Variants in SEMA3E observed in about 807,000 individuals in gnomAD.
The protein encoded by SEMA3E is semaphorin 3E.
A neutral mutation model predicts 93.6 loss-of-function variants in SEMA3E; 49 were observed. That is an observed-to-expected ratio of 0.52 (90% CI 0.42 to 0.66). SEMA3E has a LOEUF of 0.66. SEMA3E is among the 30% of genes least tolerant of loss of function. The pLI is 0.00. For synonymous variants in SEMA3E, 363 were observed against 330.7 expected, an observed-to-expected ratio of 1.10 and a Z score of -1.06; for missense variants, 906 against 964.8, an observed-to-expected ratio of 0.94 and a Z score of 0.81.
In SEMA3E at chr7:83,490,110, A is replaced by G. The variant is rs1490998313; in HGVS notation, c.276+4T>C. 8 of 1,612,000 alleles carry G rather than the reference A, an allele frequency of 5.0e-6. No homozygotes were observed. Among genetic ancestry groups the G allele is most frequent in the East Asian group, 2.2e-5 (1 of 44,838 alleles). The stretch of plus-strand genomic sequence containing the variant: ...TACTGAAATGCAGTTTGATATTTCT[A>G]TACCTCTTTATAGCCGTCACTGATT... On this transcript the variant is annotated splice_donor_region_variant and intron_variant, in intron 2 of 16. Coordinates refer to ENST00000643230, the MANE Select transcript of SEMA3E (RefSeq NM_012431.3).
At chr7:83,437,396 A>G (rs1201817774) in intron 4 of SEMA3E, among the ~76,000 whole-genome samples, 1 of 152,148 alleles carries the variant, frequency 6.6e-6, no homozygotes, top group Non-Finnish European at 1.5e-5. Context: ...GCCATTTATA[A>G]TAAAATAAGA....
chr7:83,485,452 G>A (rs111650985), intron 2 of SEMA3E, among the ~76,000 whole-genome samples: 3,176 of 152,242 alleles, frequency 0.021, 111 homozygotes, highest in African/African-American at 0.073. Flanking sequence ...CAAAATCCCA[G>A]TTGAGTGCTC....
chr7:83,592,258 C>T (rs191493135), intron 1 of SEMA3E, among the ~76,000 whole-genome samples: 1 of 151,936 alleles, frequency 6.6e-6, no homozygotes. Context: ...AAACATACTT[C>T]ATGCTAAAAT....
chr7:83,612,551 A>G (rs1793286817), intron 1 of SEMA3E: 1 of 152,146 alleles, frequency 6.6e-6, no homozygotes, highest in South Asian at 2.1e-4. Flanking sequence ...TTTTCAATTG[A>G]TTAGAAAAAT....
Position 83,366,787 on chromosome 7 carries a change from A to G in SEMA3E, c.*799T>C, listed in dbSNP as rs1794675833. 1 of 152,170 alleles carries G rather than the reference A, an allele frequency of 6.6e-6. No homozygotes were observed. Among genetic ancestry groups the G allele is most frequent in the African/African-American group, 2.4e-5 (1 of 41,458 alleles). 9.4% of individuals were successfully genotyped at this position (152,170 alleles called of 1,614,324 possible). On this transcript the variant is annotated 3_prime_UTR_variant, in exon 17 of 17. Transcript: ENST00000643230. ...AGATATCCGTCTGTAGAGAAAAAAGAAATGTGTGAGAATATAATTTTTTTT... is the reference window on the plus strand; with the variant it reads ...AGATATCCGTCTGTAGAGAAAAAAGGAATGTGTGAGAATATAATTTTTTTT...
At chr7:83,588,753 A>T (rs1352961030) in intron 1 of SEMA3E, among the ~76,000 whole-genome samples, 1 of 152,192 alleles carries the variant, frequency 6.6e-6, no homozygotes, top group African/African-American at 2.4e-5. Context: ...TCACAGTAGC[A>T]TGAAAAGTAA....
intron 1 of SEMA3E, among the ~76,000 whole-genome samples, chr7:83,518,570 T>C (rs1790981520): frequency 3.3e-5 from 5 of 152,194 alleles, no homozygotes; most frequent in Admixed American, 3.3e-4. Flanking sequence ...TCCTCATCCA[T>C]ACAATAAAGA....
At chr7:83,492,457 A>C in intron 1 of SEMA3E, among the ~76,000 whole-genome samples, 1 of 152,012 alleles carries the variant, frequency 6.6e-6, no homozygotes, top group African/African-American at 2.4e-5. Context: ...TAATAGTCTA[A>C]AGATAGTAGT....
intron 13 of SEMA3E, among the ~76,000 whole-genome samples, chr7:83,393,706 A>C (rs1238461230): frequency 1.3e-5 from 2 of 152,174 alleles, no homozygotes; most frequent in Non-Finnish European, 2.9e-5. Flanking sequence ...ATGAAGGATT[A>C]TTTATAAATA....
intron 14 of SEMA3E, among the ~76,000 whole-genome samples, chr7:83,390,111 A>C: frequency 4.8e-5 from 5 of 103,634 alleles, no homozygotes; most frequent in African/African-American, 7.0e-5. Context: ...ACGTGTGCAC[A>C]TATATGCGCG....
At chr7:83,548,555 A>G (rs950590866) in intron 1 of SEMA3E, among the ~76,000 whole-genome samples, 1 of 151,962 alleles carries the variant, frequency 6.6e-6, no homozygotes, top group East Asian at 1.9e-4. Flanking sequence ...AGAGTCTTTT[A>G]TATCTAGAAA....
intron 1 of SEMA3E, among the ~76,000 whole-genome samples, chr7:83,574,219 C>G (rs1259330107): frequency 6.6e-6 from 1 of 151,976 alleles, no homozygotes; most frequent in Non-Finnish European, 1.5e-5. Flanking sequence ...AAGTTTGTTT[C>G]CAGCACATTT....
intron 5 of SEMA3E, among the ~76,000 whole-genome samples, chr7:83,414,987 G>C (rs992664565): frequency 6.6e-6 from 1 of 152,046 alleles, no homozygotes; most frequent in Admixed American, 6.6e-5. Flanking sequence ...TTAGAATATT[G>C]CAATAGTATG....
chr7:83,607,380 T>C (rs1406541424), intron 1 of SEMA3E, among the ~76,000 whole-genome samples: 2 of 152,374 alleles, frequency 1.3e-5, no homozygotes, highest in East Asian at 3.9e-4. Flanking sequence ...TTTACTCTTG[T>C]AATTTCATTG....
chr7:83,479,360 T>C (rs990268895), intron 2 of SEMA3E, among the ~76,000 whole-genome samples: 6 of 152,212 alleles, frequency 3.9e-5, no homozygotes, highest in Admixed American at 3.3e-4. Context: ...GTGCCACCTA[T>C]GGCACATGTA....
At chr7:83,452,489 G>T (rs116461799) in intron 4 of SEMA3E, among the ~76,000 whole-genome samples, 2,197 of 152,244 alleles carry the variant, frequency 0.014, 56 homozygotes, top group African/African-American at 0.05. Context: ...TTCTCTCAGG[G>T]CCTTCTCTTT....
At chr7:83,460,271 G>A (rs1001878794) in intron 4 of SEMA3E, among the ~76,000 whole-genome samples, 10 of 152,114 alleles carry the variant, frequency 6.6e-5, no homozygotes, top group South Asian at 2.1e-4. Context: ...AATCAGGTAA[G>A]CAGCCTCTTC....
intron 5 of SEMA3E, among the ~76,000 whole-genome samples, chr7:83,416,217 T>C (rs1788535134): frequency 6.6e-6 from 1 of 152,128 alleles, no homozygotes; most frequent in Non-Finnish European, 1.5e-5. Flanking sequence ...TTCTTCTCTT[T>C]GGAGGGATTA....
intron 16 of SEMA3E, 62 bp downstream of exon 16, chr7:83,385,232 C>G: frequency 6.4e-7 from 1 of 1,569,118 alleles, no homozygotes; most frequent in South Asian, 1.1e-5. Context: ...AATAAATCAT[C>G]TATTTACTGA....
Sources: gnomAD v4.1 joint callset for allele counts (sites outside exome capture counted in the v4.1 genomes callset) on GRCh38, gnomAD v4.1.1 for gene constraint, MANE v1.5 for transcripts, NCBI Gene and HGNC (gene_info 2026-07-23, HGNC 2026-07-21) for gene names.